CRACR2B: variants seen among roughly 807,000 people sequenced by gnomAD.
CRACR2B encodes the protein EF-hand calcium-binding domain-containing protein 4A.
Under a neutral mutation model 46.0 loss-of-function variants are expected in CRACR2B, and 50 were observed. The observed-to-expected ratio is 1.09, with a 90% CI of 0.87 to 1.38. The LOEUF is 1.38. CRACR2B is among the 40% of genes most tolerant of loss of function. CRACR2B has a pLI of 0.00. For synonymous variants in CRACR2B, 277 were observed against 239.6 expected (o/e 1.16, Z -1.44); for missense variants, 667 against 535.0 (o/e 1.25, Z -2.43).
At chr11:828,808 G>T in intron 1 of CRACR2B, 36 bp downstream of exon 1, 3 of 1,612,182 alleles carry the variant, frequency 1.9e-6, no homozygotes, top group Non-Finnish European at 2.5e-6. Context: ...CTTCGGCCCT[G>T]GGTTGACCGC....
rs747504738 is a variant in CRACR2B at position 828,674 on chromosome 11, T to C, written c.67T>C (p.Ser23Pro). Residue 23 changes from serine (S) to proline (P), a missense_variant, in exon 1 of 9, where the codon TCT (serine) becomes CCT (proline). Ser to Pro is a moderately conservative substitution (Grantham distance 74). Coordinates refer to ENST00000525077, the MANE Select transcript of CRACR2B (RefSeq NM_001286606.2). ...GGAGGAGGGGGAACTCGAGGGGGGC[T>C]CTGCAGGGCCGCGGGCTGCAATACT... is the stretch of plus-strand genomic sequence containing the variant. ...QEEEGELEGG[S>P]AGPRAAILEQ... 6.2e-7 allele frequency: 1 copy of C among 1,609,582 alleles called. No homozygotes were observed. The highest frequency in any genetic ancestry group is 1.1e-5 in the South Asian group (1 of 90,794).
intron 2 of CRACR2B, 182 bp from the exon 3 acceptor site, chr11:829,178 G>C: frequency 7.4e-7 from 1 of 1,354,828 alleles, no homozygotes. Context: ...CCTGTGCTAA[G>C]CTCCGGTAGG....
In CRACR2B at chr11:831,660, G is replaced by A. The variant is rs766392498; in HGVS notation, c.1151G>A (p.Trp384Ter). The change falls in exon 9 of 9, where the codon TGG (tryptophan) becomes TAG (stop). Residue 384 changes from tryptophan to a stop codon, truncating the protein, a stop_gained. Transcript: ENST00000525077. LOFTEE classifies it high-confidence loss of function. ...PGPTCCCCCC[W>*]ARPPRRGSGH... ...CCCACCTGCTGCTGCTGCTGTTGCT[G>A]GGCTCGGCCCCCCAGACGCGGCTCT... is the stretch of plus-strand genomic sequence containing the variant. 5.5e-5 allele frequency: 85 copies of A among 1,541,040 alleles called. No individual in the cohort carries two copies. Among genetic ancestry groups the A allele is most frequent in the Non-Finnish European group, 7.2e-5 (83 of 1,149,792 alleles).
rs764981337 is a variant in CRACR2B at position 828,766 on chromosome 11, C to T, written c.159C>T (p.Asp53=). Residue 53 remains aspartate, a synonymous_variant, in exon 1 of 9, where the codon GAC becomes GAT. Transcript: ENST00000525077. ...KEAKGFITKH[D]LQGLQSDLPL... is the part of the protein sequence containing the mutation. ...CTAAGGGCTTCATCACCAAGCACGACCTGCAGGTGAGTCCCCCACCCCAAG... is the reference window on the plus strand; with the variant it reads ...CTAAGGGCTTCATCACCAAGCACGATCTGCAGGTGAGTCCCCCACCCCAAG... 4 of 1,613,360 alleles carry T rather than the reference C, an allele frequency of 2.5e-6. No homozygotes were observed. Among genetic ancestry groups the T allele is most frequent in the Non-Finnish European group, 3.4e-6 (4 of 1,179,870 alleles).
In CRACR2B at chr11:830,134, T is replaced by G; in HGVS notation, c.605+2T>G. The G allele has an allele frequency of 6.5e-7, 1 of 1,530,368 alleles. No homozygotes were observed. Among genetic ancestry groups the G allele is most frequent in the Non-Finnish European group, 8.7e-7 (1 of 1,143,668 alleles). 94.8% of individuals were successfully genotyped at this position (1,530,368 alleles called of 1,614,324 possible). ...CGGCCTGGAGCAGGCGCTGCGGAGG[T>G]GAGGGCCGGGGTGGGGTATGGGGGC... On this transcript the variant is annotated splice_donor_variant, in intron 4 of 8. Coordinates refer to ENST00000525077, the MANE Select transcript of CRACR2B (RefSeq NM_001286606.2). LOFTEE classifies it high-confidence loss of function.
In CRACR2B at chr11:829,973, G is replaced by T; in HGVS notation, c.459-13G>T. The T allele has an allele frequency of 1.9e-6, 3 of 1,558,200 alleles. No individual in the cohort carries two copies. Among genetic ancestry groups the T allele is most frequent in the Non-Finnish European group, 2.6e-6 (3 of 1,158,504 alleles). On this transcript the variant is annotated splice_polypyrimidine_tract_variant and intron_variant, in intron 3 of 8. Transcript: ENST00000525077. ...TCTGCCAGCTCCAGCCTCAGTTCCC[G>T]CCCGCCCTCCAGGCAGCGGGCTGTG...
In CRACR2B at chr11:830,039, T is replaced by G; in HGVS notation, c.512T>G (p.Leu171Arg). 6.4e-7 allele frequency: 1 copy of G among 1,568,370 alleles called. No homozygotes were observed. ...WARLQRERPE[L>R]LGSFEDVLIR... ...AGGCTGCAGCGCGAGCGCCCCGAGC[T>G]GCTGGGCTCTTTCGAGGATGTTCTG... Residue 171 changes from leucine (L) to arginine (R), a missense_variant, in exon 4 of 9, where the codon CTG becomes CGG. By Grantham distance (102) the Leu-to-Arg change is moderately radical. Transcript: ENST00000525077.
chr11:831,989 G>A (rs191944318), downstream of CRACR2B: 87 of 473,464 alleles, frequency 1.8e-4, no homozygotes, highest in East Asian at 2.1e-3. Flanking sequence ...TGACTGCACT[G>A]CGTCCTCCTG....
Position 831,574 on chromosome 11 carries a change from C to T in CRACR2B, c.1065C>T (p.Cys355=). 1 of 1,596,488 alleles carries T rather than the reference C, an allele frequency of 6.3e-7. No individual in the cohort carries two copies. Among genetic ancestry groups the T allele is most frequent in the South Asian group, 1.1e-5 (1 of 89,310 alleles). Residue 355 remains cysteine (C), a synonymous_variant, in exon 9 of 9, where the codon TGC becomes TGT. Transcript: ENST00000525077. ...GGCTGCGGGATGACAGGGACGCCTG[C>T]GAGGCCAGGCGGGCGGGCAGCAGCT... The part of the protein sequence containing the change: ...NTRLRDDRDA[C]EARRAGSSCR...
At position 830,234 on chromosome 11, in the gene CRACR2B, G is replaced by T. The variant is rs35927359; in HGVS notation, c.606-16G>T. The T allele has an allele frequency of 4.6e-3, 6,944 of 1,499,470 alleles. 307 individuals carry two copies. In the African/African-American group the frequency reaches 0.085, roughly 18 times the overall value. The allele number at this position is 1,499,470 out of a possible 1,614,324, so 92.9% of individuals were successfully genotyped here. On this transcript the variant is annotated splice_polypyrimidine_tract_variant and intron_variant, in intron 4 of 8. Coordinates refer to ENST00000525077, the MANE Select transcript of CRACR2B (RefSeq NM_001286606.2). ...CGCTGGCAAGTTCTCATCCGGGGTC[G>T]CCCGGTCCCCCGAAGGCGCGAGAGC...
chr11:831,395 C>T, intron 8 of CRACR2B, 100 bp downstream of exon 8: 1 of 1,495,170 alleles, frequency 6.7e-7, no homozygotes. Context: ...CATTGGAAGT[C>T]CTTCCTTATG....
Position 831,786 on chromosome 11 carries a change from C to A in CRACR2B, c.*77C>A. On this transcript the variant is annotated 3_prime_UTR_variant, in exon 9 of 9. Transcript: ENST00000525077. ...GCTTGTCATGGGTCGGGGGTGCCCA[C>A]TCAGGATGCAGGCTCTCCCCAGTGG... 7.0e-7 allele frequency: 1 copy of A among 1,436,116 alleles called. No individual in the cohort carries two copies. Among genetic ancestry groups the A allele is most frequent in the Non-Finnish European group, 9.1e-7 (1 of 1,100,676 alleles). 89.0% of individuals were successfully genotyped at this position (1,436,116 alleles called of 1,614,324 possible). A position where few individuals can be genotyped will look rare whatever the true frequency, so the allele number is the denominator to read the frequency against.
At chr11:831,316 G>A (rs34889510) in intron 8 of CRACR2B, 21 bp downstream of exon 8, 18 of 1,594,170 alleles carry the variant, frequency 1.1e-5, no homozygotes, top group African/African-American at 1.4e-5. Context: ...GCTCAGGCCC[G>A]AGAGGGAATG....
At position 828,983 on chromosome 11, in the gene CRACR2B, A is replaced by G. The variant is rs985978413; in HGVS notation, c.277+20A>G. 1.0e-5 allele frequency: 16 copies of G among 1,600,500 alleles called. No homozygotes were observed. The African/African-American group carries it at 2.1e-4, about 21-fold the overall frequency. ...GCCTGGGTGAGCCTGTGGCCTGCCT[A>G]TCCCCCACTGCCCAGAGCTGGAGGC... is the stretch of plus-strand genomic sequence containing the variant. On this transcript the variant is annotated intron_variant, in intron 2 of 8. Transcript: ENST00000525077.
Position 830,399 on chromosome 11 carries a change from C to T in CRACR2B, c.693+62C>T, listed in dbSNP as rs550106508. On this transcript the variant is annotated intron_variant, in intron 5 of 8. Coordinates refer to ENST00000525077, the MANE Select transcript of CRACR2B (RefSeq NM_001286606.2). ...TCCCACCTCGCTGGCCTCCCTGGCTCCGCCTTCTCTGAATTAATCCCTCCC... is the reference window on the plus strand; with the variant it reads ...TCCCACCTCGCTGGCCTCCCTGGCTTCGCCTTCTCTGAATTAATCCCTCCC... 486 of 1,536,264 alleles carry T rather than the reference C, an allele frequency of 3.2e-4. 3 individuals are homozygous for T. In the African/African-American group the frequency reaches 6.3e-3, roughly 20 times the overall value.
chr11:827,459 G>A (rs561095682), upstream of CRACR2B: 28 of 777,078 alleles, frequency 3.6e-5, no homozygotes, highest in East Asian at 1.3e-4. Context: ...AGGCGGCAGG[G>A]GTAAGGGCGG....
chr11:830,609 C>T lies in CRACR2B; in HGVS notation c.694-12C>T, dbSNP rs763187101. 23 of 1,549,280 alleles carry T rather than the reference C, an allele frequency of 1.5e-5. No homozygotes were observed. The highest frequency in any genetic ancestry group is 1.3e-4 in the South Asian group (11 of 84,060). ...GGCCGGCGGAGGCTCAGTGGTCCTC[C>T]GTGCGTCCCAGAACTTCGCCCGCGG... On this transcript the variant is annotated splice_polypyrimidine_tract_variant and intron_variant, in intron 5 of 8. Coordinates refer to ENST00000525077, the MANE Select transcript of CRACR2B (RefSeq NM_001286606.2).
upstream of CRACR2B, among the ~76,000 whole-genome samples, chr11:826,813 C>G (rs539140990): frequency 1.7e-4 from 26 of 152,244 alleles, no homozygotes; most frequent in Admixed American, 1.6e-3. Flanking sequence ...AGGCGCCCGG[C>G]CTACATGTTT....
chr11:831,378 T>C, intron 8 of CRACR2B, 83 bp downstream of exon 8: 1 of 1,520,556 alleles, frequency 6.6e-7, no homozygotes, highest in Non-Finnish European at 8.8e-7. Context: ...TGGCTGCCGC[T>C]CTACTCCATT....
Sources: gnomAD v4.1 joint callset for allele counts (sites outside exome capture counted in the v4.1 genomes callset) on GRCh38, gnomAD v4.1.1 for gene constraint, MANE v1.5 for transcripts, NCBI Gene and HGNC (gene_info 2026-07-23, HGNC 2026-07-21) for gene names.